RAB38: variants seen among roughly 807,000 people sequenced by gnomAD.
RAB38 encodes RAB38, member RAS oncogene family, also known as ras-related protein Rab-38.
Under a neutral mutation model 18.4 loss-of-function variants are expected in RAB38, and 15 were observed. The ratio of observed to expected loss-of-function variants is 0.82; its 90% CI spans 0.55 to 1.26. The LOEUF (loss-of-function observed/expected upper bound fraction) is 1.26. RAB38 is among the 50% of genes most tolerant of loss of function. RAB38 has a pLI of 0.00. For missense variants in RAB38, 294 were observed against 267.4 expected (o/e 1.10, Z -0.69); for synonymous variants, 101 against 104.4 (o/e 0.97, Z 0.20).
At chr11:87,878,962 C>A in the RAB38 span, among the ~76,000 whole-genome samples, 3 of 121,420 alleles carry the variant, frequency 2.5e-5, no homozygotes, top group Admixed American at 3.0e-4. Context: ...ATTTTCAGAG[C>A]AATTACTGAT....
At chr11:88,088,352 A>G in the RAB38 span, among the ~76,000 whole-genome samples, 1 of 151,934 alleles carries the variant, frequency 6.6e-6, no homozygotes, top group Admixed American at 6.6e-5. Flanking sequence ...GTAGGGACTC[A>G]TAAGAAACAG....
chr11:88,160,729 A>C (rs1673905132), intron 1 of RAB38, among the ~76,000 whole-genome samples: 2 of 152,154 alleles, frequency 1.3e-5, no homozygotes, highest in African/African-American at 2.4e-5. Flanking sequence ...TTAATGCAGG[A>C]ACAGAAAACT....
chr11:87,862,594 AC>A, the RAB38 span, among the ~76,000 whole-genome samples: 3 of 151,806 alleles, frequency 2.0e-5, no homozygotes, highest in African/African-American at 7.2e-5. Flanking sequence ...AATAATCTGT[AC>A]AACAAACCCC....
the RAB38 span, among the ~76,000 whole-genome samples, chr11:87,878,297 TCTAC>T: frequency 2.7e-4 from 38 of 139,730 alleles, no homozygotes; most frequent in Middle Eastern, 3.6e-3. Context: ...TATCTATCTA[TCTAC>T]CTATCATCTA....
chr11:87,963,751 A>C, the RAB38 span, among the ~76,000 whole-genome samples: 1 of 150,250 alleles, frequency 6.7e-6, no homozygotes, highest in African/African-American at 2.5e-5. Flanking sequence ...GGTTCAAGTG[A>C]TTCTCCTGCC....
the RAB38 span, among the ~76,000 whole-genome samples, chr11:87,948,184 T>C: frequency 6.6e-6 from 1 of 152,204 alleles, no homozygotes; most frequent in African/African-American, 2.4e-5. Context: ...ATTCATGATT[T>C]GGCTCTCTGT....
At chr11:87,895,526 C>A in the RAB38 span, among the ~76,000 whole-genome samples, 1 of 151,532 alleles carries the variant, frequency 6.6e-6, no homozygotes, top group Non-Finnish European at 1.5e-5. Context: ...TAATTTAGTT[C>A]TCTTATCCTC....
chr11:87,900,993 CTCAT>C, the RAB38 span, among the ~76,000 whole-genome samples: 4 of 151,552 alleles, frequency 2.6e-5, no homozygotes, highest in Non-Finnish European at 4.4e-5. Flanking sequence ...CTCTGGAACT[CTCAT>C]TCCATTTTTA....
At chr11:87,830,057 C>T in the RAB38 span, among the ~76,000 whole-genome samples, 1 of 152,250 alleles carries the variant, frequency 6.6e-6, no homozygotes. Context: ...TGATTTTCCT[C>T]TACCAGATTA....
the RAB38 span, among the ~76,000 whole-genome samples, chr11:88,080,616 C>T: frequency 5.3e-5 from 8 of 151,782 alleles, no homozygotes; most frequent in African/African-American, 1.9e-4. Flanking sequence ...GGAAAACCCA[C>T]GTAAACTGAT....
intron 1 of RAB38, among the ~76,000 whole-genome samples, chr11:88,153,822 TC>T (rs1036991451): frequency 2.6e-5 from 4 of 152,098 alleles, no homozygotes; most frequent in African/African-American, 4.8e-5. Flanking sequence ...TTTCTTTTTT[TC>T]CCCCCAAGAT....
chr11:87,948,048 G>T, the RAB38 span, among the ~76,000 whole-genome samples: 1 of 152,156 alleles, frequency 6.6e-6, no homozygotes, highest in Non-Finnish European at 1.5e-5. Flanking sequence ...TCTTCCATTT[G>T]TTTGTATCCT....
chr11:87,954,050 A>G, the RAB38 span, among the ~76,000 whole-genome samples: 1 of 152,090 alleles, frequency 6.6e-6, no homozygotes, highest in Non-Finnish European at 1.5e-5. Context: ...GTGCTGTGGA[A>G]TGCTGTTGAT....
At chr11:88,124,619 G>C (rs1002703475) in intron 2 of RAB38, among the ~76,000 whole-genome samples, 1 of 152,102 alleles carries the variant, frequency 6.6e-6, no homozygotes, top group African/African-American at 2.4e-5. Flanking sequence ...ACAAATTCCT[G>C]ACGTCTAACT....
chr11:88,035,722 C>T, the RAB38 span, among the ~76,000 whole-genome samples: 8 of 152,202 alleles, frequency 5.3e-5, no homozygotes, highest in African/African-American at 1.7e-4. Context: ...GTTGACTAAG[C>T]GTCTTGAACT....
chr11:87,930,531 T>C, the RAB38 span, among the ~76,000 whole-genome samples: 30 of 152,324 alleles, frequency 2.0e-4, no homozygotes, highest in East Asian at 5.2e-3. Flanking sequence ...TTCACTCTGA[T>C]GGTACTTTCT....
the RAB38 span, among the ~76,000 whole-genome samples, chr11:87,844,098 C>A: frequency 0.031 from 4,719 of 152,202 alleles, 224 homozygotes; most frequent in African/African-American, 0.11. Context: ...AGATTCAAAG[C>A]TACAGCTACT....
intron 2 of RAB38, among the ~76,000 whole-genome samples, chr11:88,121,094 T>C (rs1209704412): frequency 6.6e-6 from 1 of 152,214 alleles, no homozygotes; most frequent in East Asian, 1.9e-4. Context: ...TTTCTGGAAA[T>C]ATCTCTACTG....
chr11:87,842,818 A>ACACACACACACACGCGCGCG, the RAB38 span, among the ~76,000 whole-genome samples: 1 of 4,204 alleles, frequency 2.4e-4, no homozygotes, highest in Non-Finnish European at 9.4e-4. Context: ...ACGCGCGCGC[A>ACACACACACACACGCGCGCG]CACACACACA....
Sources: allele counts gnomAD v4.1 joint callset (sites outside exome capture counted in the v4.1 genomes callset), GRCh38; gene constraint gnomAD v4.1.1; transcripts MANE v1.5; gene names NCBI Gene and HGNC (gene_info 2026-07-23, HGNC 2026-07-21).